SCARA5: variants seen among roughly 807,000 people sequenced by gnomAD.
SCARA5 encodes scavenger receptor class A, member 5 (putative).
In SCARA5, 45 loss-of-function variants were observed where a neutral mutation model predicts 46.3. The observed-to-expected ratio is 0.97, with a 90% CI of 0.76 to 1.24. SCARA5 has a LOEUF of 1.24. Among genes scored for constraint, SCARA5 ranks in the 50% most tolerant of loss-of-function variants. The pLI is 0.00. For synonymous variants in SCARA5, 333 were observed against 306.5 expected, an observed-to-expected ratio of 1.09 and a Z score of -0.90; for missense variants, 680 against 689.0, an observed-to-expected ratio of 0.99 and a Z score of 0.15.
Position 27,905,539 on chromosome 8 carries a change from A to AGGGGGG in SCARA5, c.1097-706_1097-705insCCCCCC, listed in dbSNP as rs1563519497. Among the ~76,000 whole-genome samples the AGGGGGG allele has an allele frequency of 1.7e-4, 7 of 41,610 alleles. 1 individual carries two copies. The highest frequency in any genetic ancestry group is 5.1e-4 in the Non-Finnish European group (7 of 13,650). 27.3% of individuals were successfully genotyped at this position (41,610 alleles called of 152,430 possible). On this transcript the variant is annotated intron_variant, in intron 6 of 8. Transcript: ENST00000354914. Reference sequence around the variant, plus strand: ...TCCAAGATTTGGGGGGGGGAAAAAAAAAAGGCAGCCATATACATATATAGG... The same window carrying AGGGGGG: ...TCCAAGATTTGGGGGGGGGAAAAAAAGGGGGGAAAGGCAGCCATATACATATATAGG...
At chr8:27,931,257 T>C (rs2129843187) in intron 3 of SCARA5, among the ~76,000 whole-genome samples, 1 of 152,288 alleles carries the variant, frequency 6.6e-6, no homozygotes, top group Middle Eastern at 3.4e-3. Flanking sequence ...CGGGGCCCCA[T>C]GCTGGGGGTT....
At chr8:27,977,061 C>T (rs1272808649) in intron 2 of SCARA5, among the ~76,000 whole-genome samples, 2 of 152,186 alleles carry the variant, frequency 1.3e-5, no homozygotes, top group Admixed American at 6.5e-5. Context: ...AAGACCAAGG[C>T]ACCGGCAGAT....
chr8:27,967,571 A>G (rs184561364), intron 2 of SCARA5, among the ~76,000 whole-genome samples: 8 of 151,820 alleles, frequency 5.3e-5, no homozygotes, highest in Non-Finnish European at 4.4e-5. Flanking sequence ...CTTGTTCCTT[A>G]CCCCCTGTGG....
intron 3 of SCARA5, among the ~76,000 whole-genome samples, chr8:27,958,573 G>A (rs1407672295): frequency 6.6e-6 from 1 of 152,216 alleles, no homozygotes; most frequent in African/African-American, 2.4e-5. Context: ...TACAGAATGG[G>A]GACTATAGGG....
At chr8:27,915,035 C>T (rs1191243484) in intron 4 of SCARA5, among the ~76,000 whole-genome samples, 2 of 152,184 alleles carry the variant, frequency 1.3e-5, no homozygotes, top group African/African-American at 4.8e-5. Context: ...TGGCCTGGAG[C>T]CAGCAGTACA....
At chr8:27,887,652 G>C (rs76970359) in intron 7 of SCARA5, among the ~76,000 whole-genome samples, 6,484 of 152,206 alleles carry the variant, frequency 0.043, 486 homozygotes, top group African/African-American at 0.15. Context: ...CCCCATAGCA[G>C]AGACACCCAG....
At chr8:27,981,724 T>C (rs1379328768) in intron 2 of SCARA5, among the ~76,000 whole-genome samples, 2 of 152,198 alleles carry the variant, frequency 1.3e-5, no homozygotes, top group Non-Finnish European at 2.9e-5. Flanking sequence ...GGACAGCCCA[T>C]TGGGCAAGAG....
At chr8:27,981,170 G>A (rs1808608394) in intron 2 of SCARA5, among the ~76,000 whole-genome samples, 1 of 152,194 alleles carries the variant, frequency 6.6e-6, no homozygotes, top group African/African-American at 2.4e-5. Flanking sequence ...TTCTCACTTT[G>A]CAGACAAGGA....
At chr8:27,963,202 C>T (rs918523964) in intron 3 of SCARA5, among the ~76,000 whole-genome samples, 1 of 152,180 alleles carries the variant, frequency 6.6e-6, no homozygotes, top group Admixed American at 6.5e-5. Flanking sequence ...CTAGAAGAGC[C>T]ATAGGTAAGA....
chr8:27,893,862 T>C (rs2685376), intron 7 of SCARA5, among the ~76,000 whole-genome samples: 133,729 of 152,278 alleles, frequency 0.88, 59,668 homozygotes, highest in East Asian at 1. Context: ...CAAGTGGTTT[T>C]ATTACTCCGC....
chr8:27,951,218 G>T (rs1808121365), intron 3 of SCARA5, among the ~76,000 whole-genome samples: 1 of 152,216 alleles, frequency 6.6e-6, no homozygotes, highest in African/African-American at 2.4e-5. Flanking sequence ...CCCCCAGAAA[G>T]GTCACAGTTT....
intron 7 of SCARA5, among the ~76,000 whole-genome samples, chr8:27,891,328 C>A (rs1028873322): frequency 2.6e-5 from 4 of 152,010 alleles, no homozygotes; most frequent in African/African-American, 7.3e-5. Flanking sequence ...GCCTCAGCCT[C>A]CTGAGTAGCT....
chr8:27,913,359 C>T (rs922320700), intron 4 of SCARA5, among the ~76,000 whole-genome samples: 3 of 152,162 alleles, frequency 2.0e-5, no homozygotes, highest in Admixed American at 6.5e-5. Context: ...CTGCCAGGGG[C>T]TCCGAGGACC....
chr8:27,913,817 C>A (rs1199359746), intron 4 of SCARA5, among the ~76,000 whole-genome samples: 1 of 152,236 alleles, frequency 6.6e-6, no homozygotes, highest in Non-Finnish European at 1.5e-5. Context: ...CACGATCTGA[C>A]CCCTTCTGCT....
chr8:27,984,045 C>A (rs34275682), intron 2 of SCARA5, among the ~76,000 whole-genome samples: 16,458 of 152,128 alleles, frequency 0.11, 1,043 homozygotes, highest in Non-Finnish European at 0.15. Context: ...CGGCCCTGAC[C>A]GGATTCAGGG....
chr8:27,923,350 A>G (rs746115598), intron 3 of SCARA5, among the ~76,000 whole-genome samples: 9 of 152,210 alleles, frequency 5.9e-5, no homozygotes, highest in Non-Finnish European at 1.2e-4. Flanking sequence ...GACTTCTGAT[A>G]AGCCACAGTG....
At chr8:27,943,799 G>C (rs1807988231) in intron 3 of SCARA5, among the ~76,000 whole-genome samples, 1 of 152,210 alleles carries the variant, frequency 6.6e-6, no homozygotes, top group Non-Finnish European at 1.5e-5. Flanking sequence ...GGCAAGAATT[G>C]TAAGTGGATG....
At chr8:27,876,652 G>T (rs753839226) in intron 8 of SCARA5, among the ~76,000 whole-genome samples, 3 of 152,150 alleles carry the variant, frequency 2.0e-5, no homozygotes, top group Non-Finnish European at 4.4e-5. Context: ...GAAGGTCACC[G>T]GACACTTGGG....
intron 3 of SCARA5, among the ~76,000 whole-genome samples, chr8:27,955,636 C>G (rs1808196252): frequency 6.6e-6 from 1 of 152,242 alleles, no homozygotes; most frequent in Admixed American, 6.5e-5. Flanking sequence ...GCCCAACATT[C>G]CACCCTCCAC....
Sources: allele counts gnomAD v4.1 joint callset (sites outside exome capture counted in the v4.1 genomes callset), GRCh38; gene constraint gnomAD v4.1.1; transcripts MANE v1.5; gene names NCBI Gene and HGNC (gene_info 2026-07-23, HGNC 2026-07-21).